The following KEL variants were observed in gnomAD, a reference collection of about 807,000 sequenced individuals.
The protein encoded by KEL is kell blood group glycoprotein.
In KEL, 96 loss-of-function variants were observed where a neutral mutation model predicts 99.5. The ratio of observed to expected loss-of-function variants is 0.97; its 90% CI spans 0.82 to 1.14. The LOEUF is 1.14. Ranked by LOEUF, KEL falls within the 50% of genes most tolerant of loss-of-function variation. The pLI, the probability that KEL is intolerant of heterozygous loss-of-function variation, is 0.00. For missense variants in KEL, 926 were observed against 924.2 expected, an observed-to-expected ratio of 1.00 and a Z score of -0.03; for synonymous variants, 355 against 354.8, an observed-to-expected ratio of 1.00 and a Z score of -0.01.
chr7:142,952,397 G>A, intron 10 of KEL, 112 bp downstream of exon 10: 1 of 1,363,440 alleles, frequency 7.3e-7, no homozygotes, highest in Non-Finnish European at 1.0e-6. Context: ...GACATGGAGG[G>A]GCATCTACCA....
At position 142,941,129 on chromosome 7, in the gene KEL, A is replaced by G; in HGVS notation, c.*123T>C. 1 of 1,064,090 alleles carries G rather than the reference A, an allele frequency of 9.4e-7. No individual in the cohort carries two copies. The highest frequency in any genetic ancestry group is 1.4e-6 in the Non-Finnish European group (1 of 698,570). 65.9% of individuals were successfully genotyped at this position (1,064,090 alleles called of 1,614,324 possible). On this transcript the variant is annotated 3_prime_UTR_variant, in exon 19 of 19. Coordinates refer to ENST00000355265, the MANE Select transcript of KEL (RefSeq NM_000420.3). ...GAACAAGTCATTAAGAGACAAGCGG[A>G]AGCCAAGTGCCAGCTTTTATTTTTG...
intron 17 of KEL, 144 bp from the exon 18 acceptor site, chr7:142,942,673 T>G: frequency 1.1e-6 from 1 of 870,248 alleles, no homozygotes; most frequent in South Asian, 1.4e-5. Flanking sequence ...AAAGAGTACT[T>G]CCCAGAAGAC....
chr7:142,958,577 C>G (rs896465988), intron 4 of KEL, 149 bp from the exon 5 acceptor site: 32 of 750,668 alleles, frequency 4.3e-5, no homozygotes, highest in Non-Finnish European at 6.1e-5. Context: ...GATTTACTTT[C>G]TAACCTGATT....
At chr7:142,956,247 G>A (rs1209102601) in intron 6 of KEL, among the ~76,000 whole-genome samples, 1 of 152,066 alleles carries the variant, frequency 6.6e-6, no homozygotes, top group Non-Finnish European at 1.5e-5. Context: ...TCATCACTAG[G>A]GTGAAGTTGC....
chr7:142,954,949 C>T (rs1033676152), intron 6 of KEL, among the ~76,000 whole-genome samples: 2 of 152,152 alleles, frequency 1.3e-5, no homozygotes, highest in Non-Finnish European at 2.9e-5. Context: ...TCCATCTCAG[C>T]CAGCCATACC....
At chr7:142,961,159 C>A in intron 3 of KEL, 55 bp from the exon 4 acceptor site, 2 of 1,598,500 alleles carry the variant, frequency 1.3e-6, no homozygotes, top group African/African-American at 1.3e-5. Flanking sequence ...AAGGGCTCCC[C>A]CAAGGGGCTA....
At chr7:142,943,201 TC>T in intron 16 of KEL, 74 bp downstream of exon 16, 1 of 1,574,538 alleles carries the variant, frequency 6.4e-7, no homozygotes, top group Non-Finnish European at 8.7e-7. Flanking sequence ...AACCTCCCTT[TC>T]CCCTCCAGGC....
chr7:142,947,065 T>C (rs115815934), intron 10 of KEL, among the ~76,000 whole-genome samples: 3,396 of 152,192 alleles, frequency 0.022, 127 homozygotes, highest in African/African-American at 0.077. Flanking sequence ...AAGAGACAGA[T>C]GCTGAGAAGG....
At chr7:142,955,789 C>T (rs540472316) in intron 6 of KEL, among the ~76,000 whole-genome samples, 47 of 152,260 alleles carry the variant, frequency 3.1e-4, no homozygotes, top group Non-Finnish European at 6.3e-4. Context: ...GTCCACAGTT[C>T]AAAGAACAAA....
Position 142,962,346 on chromosome 7 carries a change from C to T in KEL, c.-140G>A. 1.0e-6 allele frequency: 1 copy of T among 967,216 alleles called. No homozygotes were observed. The highest frequency in any genetic ancestry group is 1.6e-6 in the Non-Finnish European group (1 of 606,204). 59.9% of individuals were successfully genotyped at this position (967,216 alleles called of 1,614,324 possible). A position where few individuals can be genotyped will look rare whatever the true frequency, so the allele number is the denominator to read the frequency against. ...CACTTCTGCTGCTCTTTCGCCTTGT[C>T]CCCAGACACACAGGACTGGCCTCTG... On this transcript the variant is annotated 5_prime_UTR_variant, in exon 1 of 19. Coordinates refer to ENST00000355265, the MANE Select transcript of KEL (RefSeq NM_000420.3).
intron 1 of KEL, 112 bp downstream of exon 1, chr7:142,962,092 C>G: frequency 6.2e-7 from 1 of 1,613,866 alleles, no homozygotes; most frequent in Non-Finnish European, 8.5e-7. Flanking sequence ...TCTCTCCCCA[C>G]CTTTCTACTC....
At chr7:142,941,899 C>G (rs916153598) in intron 18 of KEL, among the ~76,000 whole-genome samples, 1 of 151,850 alleles carries the variant, frequency 6.6e-6, no homozygotes, top group Non-Finnish European at 1.5e-5. Context: ...ACCTCCGCCT[C>G]CCAGGTTCAA....
At chr7:142,955,781 C>G (rs1796817206) in intron 6 of KEL, among the ~76,000 whole-genome samples, 1 of 152,162 alleles carries the variant, frequency 6.6e-6, no homozygotes, top group South Asian at 2.1e-4. Context: ...CATTGTATGT[C>G]CACAGTTCAA....
chr7:142,957,040 G>A (rs1796845090), intron 6 of KEL, among the ~76,000 whole-genome samples: 1 of 152,192 alleles, frequency 6.6e-6, no homozygotes. Context: ...GGTGAATAAA[G>A]CATGGTCCTG....
chr7:142,943,753 G>A (rs1796434331), intron 14 of KEL, 30 bp downstream of exon 14: 1 of 1,586,798 alleles, frequency 6.3e-7, no homozygotes, highest in African/African-American at 1.3e-5. Flanking sequence ...TCTCTGGGAT[G>A]GAGTGCCTGT....
chr7:142,953,197 AG>A (rs1438201088), intron 9 of KEL: 2 of 224,338 alleles, frequency 8.9e-6, no homozygotes, highest in Non-Finnish European at 1.5e-5. Flanking sequence ...CCCAGGTATC[AG>A]GGGAGGCAGA....
At chr7:142,943,150 T>A in intron 16 of KEL, 106 bp from the exon 17 acceptor site, 1 of 1,555,574 alleles carries the variant, frequency 6.4e-7, no homozygotes, top group Non-Finnish European at 8.8e-7. Context: ...CCCAGGAGCA[T>A]GGCAAAGTTC....
chr7:142,954,585 G>T, intron 6 of KEL, 58 bp from the exon 7 acceptor site: 1 of 1,428,050 alleles, frequency 7.0e-7, no homozygotes, highest in Non-Finnish European at 9.9e-7. Context: ...GAGGGCAGGT[G>T]TGGGGAGGTG....
intron 10 of KEL, among the ~76,000 whole-genome samples, chr7:142,948,239 C>T (rs2116654572): frequency 6.6e-6 from 1 of 152,086 alleles, no homozygotes; most frequent in East Asian, 1.9e-4. Context: ...GTAGTGTATA[C>T]CACATTGACT....
Sources: allele counts gnomAD v4.1 joint callset (sites outside exome capture counted in the v4.1 genomes callset), GRCh38; gene constraint gnomAD v4.1.1; transcripts MANE v1.5; gene names NCBI Gene and HGNC (gene_info 2026-07-23, HGNC 2026-07-21).